The following MTG1 variants were observed in gnomAD, a reference collection of about 807,000 sequenced individuals.
MTG1 encodes mitochondrial ribosome associated GTPase 1.
Under a neutral mutation model 39.5 loss-of-function variants are expected in MTG1, and 30 were observed. That is an observed-to-expected ratio of 0.76 (90% confidence interval 0.57 to 1.03). The LOEUF is 1.03. MTG1 is among the 50% of genes least tolerant of loss of function. The pLI is 0.00. For synonymous variants in MTG1, 217 were observed against 179.0 expected (o/e 1.21, Z -1.69); for missense variants, 513 against 447.4 (o/e 1.15, Z -1.32).
At chr10:133,416,614 T>C (rs1850137992) in intron 9 of MTG1, among the ~76,000 whole-genome samples, 1 of 138,300 alleles carries the variant, frequency 7.2e-6, no homozygotes, top group Admixed American at 7.8e-5. Flanking sequence ...CCATGTGTTC[T>C]CATTGTTCAA....
rs1226084438 is a variant in MTG1 at position 133,421,293 on chromosome 10, G to GT, written c.*1129dup. ...CAGGTTGGCTGTGTCAGATGCTAAT[G>GT]TGCTGAATCAACAGTCATTGCAGAT... On this transcript the variant is annotated 3_prime_UTR_variant, in exon 11 of 11. Transcript: ENST00000317502. 6.5e-6 allele frequency: 1 copy of GT among 153,110 alleles called. No individual in the cohort carries two copies. The highest frequency in any genetic ancestry group is 1.5e-5 in the Non-Finnish European group (1 of 68,200). The allele number at this position is 153,110 out of a possible 1,614,324, so 9.5% of individuals were successfully genotyped here.
intron 3 of MTG1, among the ~76,000 whole-genome samples, chr10:133,398,187 G>A (rs1405458541): frequency 6.6e-6 from 1 of 152,226 alleles, no homozygotes; most frequent in Non-Finnish European, 1.5e-5. Context: ...CAGCACTGAT[G>A]TTTAGAAATA....
At chr10:133,399,883 G>A (rs1477678949) in intron 6 of MTG1, 2 of 441,890 alleles carry the variant, frequency 4.5e-6, no homozygotes, top group Non-Finnish European at 8.0e-6. Flanking sequence ...TCTAAACTTT[G>A]ATATTTGTTC....
At chr10:133,408,208 G>A (rs753354750) in intron 9 of MTG1, among the ~76,000 whole-genome samples, 11 of 152,110 alleles carry the variant, frequency 7.2e-5, no homozygotes, top group Non-Finnish European at 1.3e-4. Flanking sequence ...CTTGTCATGC[G>A]TGGCCTTTAT....
rs141449039 is a variant in MTG1, at chr10:133,419,591, G to A, written c.864G>A (p.Thr288=). Residue 288 remains threonine (T), a splice_region_variant and synonymous_variant, in exon 10 of 11, where the codon ACG becomes ACA. Coordinates refer to ENST00000317502, the MANE Select transcript of MTG1 (RefSeq NM_138384.4). ...AGAAGGTGAAGGTGCTCACGGGCAC[G>A]GGTGAGTGAGGTCGCTGATGCGGGC... is the stretch of plus-strand genomic sequence containing the variant. ...KTQKVKVLTG[T]GNVNIIQPNY... is the part of the protein sequence containing the mutation. The A allele has an allele frequency of 5.0e-4, 801 of 1,596,660 alleles. 1 individual carries two copies. Among genetic ancestry groups the A allele is most frequent in the African/African-American group, 4.8e-3 (359 of 74,806 alleles).
intron 1 of MTG1, chr10:133,394,815 A>G (rs1369211208): frequency 2.2e-6 from 2 of 918,100 alleles, no homozygotes. Flanking sequence ...GTTTGTCACA[A>G]TTCGGCCCCA....
chr10:133,398,967 G>A (rs1239521663), intron 4 of MTG1, among the ~76,000 whole-genome samples: 2 of 152,206 alleles, frequency 1.3e-5, no homozygotes, highest in African/African-American at 2.4e-5. Flanking sequence ...GATACTTGGT[G>A]TGCTACCTCC....
chr10:133,414,698 A>T (rs1405348234), intron 9 of MTG1, among the ~76,000 whole-genome samples: 1 of 152,104 alleles, frequency 6.6e-6, no homozygotes, highest in Non-Finnish European at 1.5e-5. Context: ...GGCCAGGCAG[A>T]GGGGCTCCTC....
chr10:133,403,636 C>T (rs940057856), intron 9 of MTG1, among the ~76,000 whole-genome samples: 4 of 152,234 alleles, frequency 2.6e-5, no homozygotes, highest in Non-Finnish European at 4.4e-5. Context: ...CAGGCGGTTT[C>T]AGTGTCCAGG....
chr10:133,404,757 A>G (rs1175749726), intron 9 of MTG1, among the ~76,000 whole-genome samples: 3 of 151,672 alleles, frequency 2.0e-5, no homozygotes, highest in Non-Finnish European at 2.9e-5. Flanking sequence ...TTTTTTGCAC[A>G]TGGAGAACCA....
At chr10:133,405,078 G>A (rs1334697993) in intron 9 of MTG1, among the ~76,000 whole-genome samples, 1 of 152,144 alleles carries the variant, frequency 6.6e-6, no homozygotes, top group Non-Finnish European at 1.5e-5. Flanking sequence ...AGGCCGGGTG[G>A]CAGATTCCCC....
intron 3 of MTG1, among the ~76,000 whole-genome samples, chr10:133,397,700 A>C (rs921046036): frequency 6.6e-6 from 1 of 150,986 alleles, no homozygotes; most frequent in African/African-American, 2.4e-5. Context: ...GGATGGTCTC[A>C]ATCTCCTGAC....
rs1455225931 is a variant in MTG1, at chr10:133,396,332, A to G, written c.282+65A>G. The G allele has an allele frequency of 3.6e-6, 5 of 1,396,054 alleles. No homozygotes were observed. In the African/African-American group the frequency reaches 5.7e-5, roughly 16 times the overall value. 86.5% of individuals were successfully genotyped at this position (1,396,054 alleles called of 1,614,324 possible). ...GTGTTTTCCCGAGGTCGCTTGTTCT[A>G]ACGGAAGAGTTGCCGGACGCACACT... On this transcript the variant is annotated intron_variant, in intron 3 of 10. Coordinates refer to ENST00000317502, the MANE Select transcript of MTG1 (RefSeq NM_138384.4).
chr10:133,415,891 C>T (rs192422305), intron 9 of MTG1, among the ~76,000 whole-genome samples: 7 of 138,564 alleles, frequency 5.1e-5, no homozygotes, highest in African/African-American at 1.6e-4. Context: ...TCAGGCATGC[C>T]GGTATCAGGC....
chr10:133,409,221 C>CT (rs1482596472), intron 9 of MTG1, among the ~76,000 whole-genome samples: 1 of 151,964 alleles, frequency 6.6e-6, no homozygotes, highest in Non-Finnish European at 1.5e-5. Context: ...ATCCCATAGA[C>CT]TTTGATATAT....
At chr10:133,395,877 T>C (rs542045889) in intron 2 of MTG1, 100 bp downstream of exon 2, 3 of 1,215,120 alleles carry the variant, frequency 2.5e-6, no homozygotes, top group East Asian at 5.0e-5. Flanking sequence ...GCGAGGCCCC[T>C]TTCTAGACCA....
At position 133,398,430 on chromosome 10, in the gene MTG1, T is replaced by C; in HGVS notation, c.283-5T>C. 6.2e-7 allele frequency: 1 copy of C among 1,611,470 alleles called. No individual in the cohort carries two copies. The highest frequency in any genetic ancestry group is 8.5e-7 in the Non-Finnish European group (1 of 1,179,290). On this transcript the variant is annotated splice_region_variant and splice_polypyrimidine_tract_variant and intron_variant, in intron 3 of 10. Transcript: ENST00000317502. ...AGTAACATAGAAATGTTTTGTGTCT[T>C]TCAGAAAATTATGCAACACTTAGAA... is the stretch of plus-strand genomic sequence containing the variant.
chr10:133,413,177 G>C (rs1450014517), intron 9 of MTG1, among the ~76,000 whole-genome samples: 6 of 152,136 alleles, frequency 3.9e-5, no homozygotes, highest in African/African-American at 1.4e-4. Flanking sequence ...GAGGTACAAT[G>C]TTGTCTCACT....
intron 9 of MTG1, among the ~76,000 whole-genome samples, chr10:133,409,050 C>T (rs1295332221): frequency 6.7e-6 from 1 of 150,362 alleles, no homozygotes; most frequent in East Asian, 1.9e-4. Flanking sequence ...GCTCTGGTCT[C>T]CTGATCTCTG....
Sources: gnomAD v4.1 joint callset for allele counts (sites outside exome capture counted in the v4.1 genomes callset) on GRCh38, gnomAD v4.1.1 for gene constraint, MANE v1.5 for transcripts, NCBI Gene and HGNC (gene_info 2026-07-23, HGNC 2026-07-21) for gene names.